Variants in PREX1 observed in about 807,000 individuals in gnomAD.
The protein encoded by PREX1 is phosphatidylinositol-3,4,5-trisphosphate dependent Rac exchange factor 1, also known as phosphatidylinositol 3,4,5-trisphosphate-dependent Rac exchanger 1 protein.
PREX1 carries 41 observed loss-of-function variants against 198.3 expected under a neutral mutation model. The observed-to-expected ratio is 0.21, with a 90% CI of 0.16 to 0.27. PREX1 has a LOEUF of 0.27. Ranked by LOEUF, PREX1 falls within the 10% of genes least tolerant of loss-of-function variation. The pLI is 1.00. For synonymous variants in PREX1, 843 were observed against 887.2 expected, an observed-to-expected ratio of 0.95 and a Z score of 0.89; for missense variants, 1,620 against 2,200.7, an observed-to-expected ratio of 0.74 and a Z score of 5.28.
chr20:48,662,753 T>G (rs1349763010), intron 15 of PREX1, among the ~76,000 whole-genome samples: 1 of 152,180 alleles, frequency 6.6e-6, no homozygotes. Context: ...AATTGGCCCT[T>G]TCCTATTTTA....
At chr20:48,639,441 C>T (rs1354743752) in intron 30 of PREX1, among the ~76,000 whole-genome samples, 2 of 152,200 alleles carry the variant, frequency 1.3e-5, no homozygotes, top group Admixed American at 6.5e-5. Flanking sequence ...ACTCACACAT[C>T]CAATGCTTTG....
chr20:48,670,329 A>G (rs1454801130), intron 14 of PREX1, among the ~76,000 whole-genome samples: 1 of 134,662 alleles, frequency 7.4e-6, no homozygotes, highest in African/African-American at 2.8e-5. Context: ...GAACCCTGCT[A>G]CCATCAGTAC....
intron 1 of PREX1, among the ~76,000 whole-genome samples, chr20:48,815,051 T>G (rs1366512675): frequency 6.6e-6 from 1 of 152,182 alleles, no homozygotes; most frequent in East Asian, 1.9e-4. Flanking sequence ...AAAAGGAGTA[T>G]TTCATAATGA....
the PREX1 span, among the ~76,000 whole-genome samples, chr20:48,847,649 C>T: frequency 6.6e-6 from 1 of 152,088 alleles, no homozygotes; most frequent in African/African-American, 2.4e-5. Flanking sequence ...CATATTATTA[C>T]TAAGGTGAAA....
chr20:48,720,171 C>T (rs971892847), intron 5 of PREX1, among the ~76,000 whole-genome samples: 7 of 152,212 alleles, frequency 4.6e-5, no homozygotes, highest in Non-Finnish European at 1.0e-4. Context: ...TCAAATGTTT[C>T]CTTCTCAGTC....
chr20:48,665,399 C>T (rs997304645), intron 15 of PREX1, among the ~76,000 whole-genome samples: 1 of 150,186 alleles, frequency 6.7e-6, no homozygotes, highest in Non-Finnish European at 1.5e-5. Flanking sequence ...ATTCTAATCC[C>T]GCCCCAGATG....
In PREX1 at chr20:48,760,529, C is replaced by A. The variant is rs541598935; in HGVS notation, c.220-12649G>T. Among the ~76,000 whole-genome samples, 298 of 151,806 alleles carry A rather than the reference C, an allele frequency of 2.0e-3. 2 individuals are homozygous for A. The highest frequency in any genetic ancestry group is 6.9e-3 in the African/African-American group (285 of 41,416). ...ACACTTCTGAGTCAATTTCCTGGAC[C>A]AAACAAAAAGGGGGGGAGGAGTAGT... On this transcript the variant is annotated intron_variant, in intron 1 of 39. Transcript: ENST00000371941.
chr20:48,642,352 C>G, intron 28 of PREX1, 55 bp downstream of exon 28: 1 of 1,604,140 alleles, frequency 6.2e-7, no homozygotes, highest in South Asian at 1.1e-5. Context: ...TGGGCCCTCC[C>G]CAGGTGTGAC....
intron 1 of PREX1, among the ~76,000 whole-genome samples, chr20:48,793,889 G>A (rs1450444290): frequency 1.3e-5 from 2 of 152,180 alleles, no homozygotes; most frequent in African/African-American, 4.8e-5. Context: ...AACCATTCTG[G>A]GTTTTCTAGG....
the PREX1 span, among the ~76,000 whole-genome samples, chr20:48,884,843 G>A: frequency 1.2e-4 from 18 of 152,210 alleles, no homozygotes; most frequent in Non-Finnish European, 2.5e-4. Flanking sequence ...AGGGCACGGT[G>A]GCTCATGCCT....
At chr20:48,680,352 A>G (rs1342536956) in intron 11 of PREX1, among the ~76,000 whole-genome samples, 1 of 152,076 alleles carries the variant, frequency 6.6e-6, no homozygotes, top group African/African-American at 2.4e-5. Flanking sequence ...TGGTCCCAAC[A>G]GTCTCCACAG....
intron 33 of PREX1, 115 bp from the exon 34 acceptor site, chr20:48,632,754 C>T: frequency 1.7e-6 from 2 of 1,145,770 alleles, no homozygotes; most frequent in Non-Finnish European, 2.5e-6. Flanking sequence ...AGGGGGGCAC[C>T]CTGGGACCTC....
At chr20:48,755,598 A>G (rs1294643718) in intron 1 of PREX1, among the ~76,000 whole-genome samples, 2 of 152,254 alleles carry the variant, frequency 1.3e-5, no homozygotes, top group Admixed American at 1.3e-4. Flanking sequence ...TGAAGCAGAC[A>G]TCTTATACCA....
At chr20:48,732,094 G>A (rs2090037119) in intron 4 of PREX1, among the ~76,000 whole-genome samples, 2 of 152,324 alleles carry the variant, frequency 1.3e-5, no homozygotes, top group South Asian at 2.1e-4. Context: ...TTGCAGTAAC[G>A]TGACTTCATC....
chr20:48,674,237 T>C (rs532111451), intron 14 of PREX1, among the ~76,000 whole-genome samples: 1 of 152,360 alleles, frequency 6.6e-6, no homozygotes, highest in African/African-American at 2.4e-5. Flanking sequence ...ATTTGATATC[T>C]CTTTGGGCTA....
At chr20:48,884,210 A>T in the PREX1 span, among the ~76,000 whole-genome samples, 1 of 152,186 alleles carries the variant, frequency 6.6e-6, no homozygotes, top group South Asian at 2.1e-4. Context: ...GTGGAAATAT[A>T]AGCAACCCAG....
At chr20:48,812,856 G>A (rs979199325) in intron 1 of PREX1, among the ~76,000 whole-genome samples, 2 of 152,206 alleles carry the variant, frequency 1.3e-5, no homozygotes, top group Non-Finnish European at 2.9e-5. Context: ...GCAGTGACAC[G>A]AGGAAGTATG....
the PREX1 span, among the ~76,000 whole-genome samples, chr20:48,835,952 G>A: frequency 6.6e-6 from 1 of 152,168 alleles, no homozygotes; most frequent in African/African-American, 2.4e-5. Context: ...AGAAACAGTT[G>A]ATTCTGGATA....
the PREX1 span, among the ~76,000 whole-genome samples, chr20:48,837,684 G>A: frequency 1.3e-5 from 2 of 152,162 alleles, no homozygotes; most frequent in Non-Finnish European, 2.9e-5. Flanking sequence ...AAGATTGGGA[G>A]GAGGGAGAGG....
Sources: gnomAD v4.1 joint callset for allele counts (sites outside exome capture counted in the v4.1 genomes callset) on GRCh38, gnomAD v4.1.1 for gene constraint, MANE v1.5 for transcripts, NCBI Gene and HGNC (gene_info 2026-07-23, HGNC 2026-07-21) for gene names.